The following PHACTR1 variants were observed in gnomAD, a reference collection of about 807,000 sequenced individuals.
PHACTR1 encodes phosphatase and actin regulator 1.
PHACTR1 carries 16 observed loss-of-function variants against 69.2 expected under a neutral mutation model. The observed-to-expected ratio is 0.23, with a 90% confidence interval of 0.16 to 0.35. The LOEUF (loss-of-function observed/expected upper bound fraction) is 0.35, where lower values mean the gene tolerates loss of function less well. PHACTR1 is among the 10% of genes least tolerant of loss of function. The pLI is 1.00. For synonymous variants in PHACTR1, 312 were observed against 284.5 expected (o/e 1.10, Z -0.97); for missense variants, 510 against 734.7 (o/e 0.69, Z 3.54).
intron 4 of PHACTR1, among the ~76,000 whole-genome samples, chr6:12,751,917 C>A (rs756030140): frequency 1.7e-4 from 26 of 152,102 alleles, no homozygotes; most frequent in Non-Finnish European, 3.1e-4. Context: ...GGTGCTGAAG[C>A]GAGACAGAGA....
intron 4 of PHACTR1, among the ~76,000 whole-genome samples, chr6:12,881,227 C>T (rs1783064272): frequency 1.3e-5 from 2 of 152,056 alleles, no homozygotes. Flanking sequence ...CTCTTGTTGC[C>T]ATGGTGAATA....
intron 7 of PHACTR1, among the ~76,000 whole-genome samples, chr6:13,195,348 T>A (rs911753291): frequency 6.6e-6 from 1 of 152,184 alleles, no homozygotes; most frequent in Non-Finnish European, 1.5e-5. Flanking sequence ...GGCAAATGAC[T>A]GAGAAAATTT....
chr6:13,010,025 G>A (rs947306590), intron 4 of PHACTR1, among the ~76,000 whole-genome samples: 2 of 152,100 alleles, frequency 1.3e-5, no homozygotes, highest in African/African-American at 4.8e-5. Context: ...GATGTTAAAT[G>A]CATAGATCTC....
At chr6:13,087,166 A>G (rs998067753) in intron 5 of PHACTR1, among the ~76,000 whole-genome samples, 2 of 147,038 alleles carry the variant, frequency 1.4e-5, no homozygotes, top group East Asian at 1.9e-4. Flanking sequence ...TATATATAAC[A>G]TATGTATAAA....
At chr6:13,225,083 C>T (rs367603584) in intron 8 of PHACTR1, among the ~76,000 whole-genome samples, 1 of 152,202 alleles carries the variant, frequency 6.6e-6, no homozygotes, top group East Asian at 1.9e-4. Context: ...CAGCTAACTT[C>T]TATACTCTCC....
At chr6:12,746,108 C>T (rs1263246302) in intron 3 of PHACTR1, among the ~76,000 whole-genome samples, 3 of 151,110 alleles carry the variant, frequency 2.0e-5, no homozygotes, top group African/African-American at 7.3e-5. Context: ...GGAACTGTTA[C>T]GAAGACTAAG....
intron 4 of PHACTR1, among the ~76,000 whole-genome samples, chr6:12,846,042 A>G (rs914612006): frequency 1.3e-5 from 2 of 151,768 alleles, no homozygotes; most frequent in Non-Finnish European, 2.9e-5. Context: ...GGAACTGATA[A>G]CGATACTGAA....
At chr6:12,924,643 C>T (rs1490863123) in intron 4 of PHACTR1, among the ~76,000 whole-genome samples, 1 of 151,840 alleles carries the variant, frequency 6.6e-6, no homozygotes, top group Non-Finnish European at 1.5e-5. Context: ...GCAAGGGTGG[C>T]AGGCACCTGT....
intron 4 of PHACTR1, among the ~76,000 whole-genome samples, chr6:13,023,556 T>C (rs4129937): frequency 0.72 from 109,099 of 152,162 alleles, 40,588 homozygotes; most frequent in East Asian, 0.88. Flanking sequence ...TCCCGTTCTT[T>C]CGTTCTCATT....
intron 4 of PHACTR1, among the ~76,000 whole-genome samples, chr6:12,791,701 GA>G (rs1248233550): frequency 2.6e-5 from 4 of 152,204 alleles, no homozygotes; most frequent in African/African-American, 9.7e-5. Flanking sequence ...ATGAGACCAT[GA>G]ATGACTGTGT....
chr6:13,270,409 C>G (rs915033530), intron 10 of PHACTR1, among the ~76,000 whole-genome samples: 12 of 152,150 alleles, frequency 7.9e-5, no homozygotes, highest in African/African-American at 2.7e-4. Flanking sequence ...TCCTGCTTCC[C>G]AGCTGAAAGC....
chr6:13,162,181 C>A (rs1365664761), intron 6 of PHACTR1, among the ~76,000 whole-genome samples: 3 of 152,270 alleles, frequency 2.0e-5, no homozygotes, highest in Admixed American at 2.0e-4. Flanking sequence ...CTCACTGCAA[C>A]CTCCGCCTCC....
chr6:12,740,733 T>A (rs1764924886), intron 3 of PHACTR1, among the ~76,000 whole-genome samples: 3 of 152,212 alleles, frequency 2.0e-5, no homozygotes, highest in East Asian at 3.9e-4. Flanking sequence ...TTTTTTTCTT[T>A]TTTTTAAGTA....
intron 4 of PHACTR1, among the ~76,000 whole-genome samples, chr6:12,772,053 T>C (rs1769453925): frequency 6.6e-6 from 1 of 152,186 alleles, no homozygotes; most frequent in African/African-American, 2.4e-5. Flanking sequence ...GGCGAGAAAG[T>C]AGAGGCACTA....
chr6:13,231,969 C>CA (rs1771293609), intron 10 of PHACTR1, among the ~76,000 whole-genome samples: 1 of 152,182 alleles, frequency 6.6e-6, no homozygotes, highest in Admixed American at 6.5e-5. Flanking sequence ...TACTTTGTAC[C>CA]AGACACTGTT....
At chr6:12,763,012 G>A (rs1336139580) in intron 4 of PHACTR1, among the ~76,000 whole-genome samples, 1 of 152,088 alleles carries the variant, frequency 6.6e-6, no homozygotes, top group Admixed American at 6.5e-5. Flanking sequence ...TTAGGAGTTC[G>A]AGACCAGCCT....
chr6:13,272,985 A>T, intron 11 of PHACTR1, 70 bp downstream of exon 11: 1 of 1,591,320 alleles, frequency 6.3e-7, no homozygotes, highest in Non-Finnish European at 8.6e-7. Context: ...ATGGTAGGCC[A>T]CAAGGTTTCT....
At chr6:13,048,548 G>GTGTGTGTGTGTGTGTGTGTGTT (rs1805446380) in intron 4 of PHACTR1, among the ~76,000 whole-genome samples, 1 of 151,720 alleles carries the variant, frequency 6.6e-6, no homozygotes, top group African/African-American at 2.4e-5. Flanking sequence ...GTGTGTGTGT[G>GTGTGTGTGTGTGTGTGTGTGTT]TGTGTGATGG....
In PHACTR1 at chr6:12,969,955, T is replaced by C. The variant is rs181574129; in HGVS notation, c.251-83410T>C. 1.5e-3 allele frequency among the ~76,000 whole-genome samples: 231 copies of C among 152,272 alleles called. 1 individual carries two copies. The highest frequency in any genetic ancestry group is 6.8e-3 in the Middle Eastern group (2 of 294). ...TCCAGCCTGGGTGATAGAGTGAGAC[T>C]CCATCTTAAAACAAAAAACAAAAAA... On this transcript the variant is annotated intron_variant, in intron 4 of 14. Coordinates refer to ENST00000332995, the MANE Select transcript of PHACTR1 (RefSeq NM_030948.6).
Sources: allele counts gnomAD v4.1 joint callset (sites outside exome capture counted in the v4.1 genomes callset), GRCh38; gene constraint gnomAD v4.1.1; transcripts MANE v1.5; gene names NCBI Gene and HGNC (gene_info 2026-07-23, HGNC 2026-07-21).